ZBTB42: variants seen among roughly 807,000 people sequenced by gnomAD.
ZBTB42 encodes zinc finger and BTB domain-containing protein 42.
In ZBTB42, 3 loss-of-function variants were observed where a neutral mutation model predicts 4.7. The observed-to-expected ratio is 0.64, with a 90% CI of 0.29 to 1.66. The LOEUF is 1.66. ZBTB42 is among the 40% of genes most tolerant of loss of function. The probability of loss-of-function intolerance (pLI) is 0.10; values close to 1 mark genes in which losing one functional copy is unlikely to be tolerated. For synonymous variants in ZBTB42, 255 were observed against 259.5 expected, an observed-to-expected ratio of 0.98 and a Z score of 0.17; for missense variants, 521 against 577.1, an observed-to-expected ratio of 0.90 and a Z score of 1.00.
chr14:104,800,968 C>A (rs1395623081), upstream of ZBTB42: 5 of 440,066 alleles, frequency 1.1e-5, no homozygotes, highest in Non-Finnish European at 1.1e-5. This position sits in a 1 kb window ranked among gnomAD's most constrained non-coding sequence, Gnocchi z 5.3. Context: ...GCTCCGGCTC[C>A]TGCGCCTGAG....
chr14:104,802,037 A>T lies in ZBTB42; in HGVS notation c.840A>T (p.Arg280=). ...GGGAGCTGGAGCTTGGTGCAGGGCG[A>T]CTGGCGAGTGAGGACGAGCTGGGGC... ...GSRELELGAG[R]LASEDELGPG... The change falls in exon 1 of 1, where the codon CGA becomes CGT. Residue 280 remains arginine (R), a synonymous_variant. Coordinates refer to ENST00000342537, the MANE Select transcript of ZBTB42 (RefSeq NM_001137601.3). The surrounding 1 kb of genome is among the most constrained non-coding windows in gnomAD (Gnocchi z 5.9). The T allele has an allele frequency of 6.7e-7, 1 of 1,495,552 alleles. No homozygotes were observed. The highest frequency in any genetic ancestry group is 1.7e-4 in the Middle Eastern group (1 of 5,770). 92.6% of individuals were successfully genotyped at this position (1,495,552 alleles called of 1,614,324 possible).
At position 104,802,178 on chromosome 14, in the gene ZBTB42, C is replaced by T. The variant is rs565696850; in HGVS notation, c.981C>T (p.Leu327=). ...FRERDSTRAR[L]SPDGVAPTCP... ...AGCGAGACAGCACCCGGGCCCGGCT[C>T]TCACCCGACGGCGTGGCACCCACCT... The change falls in exon 1 of 1, where the codon CTC becomes CTT. Residue 327 remains leucine, a synonymous_variant. Coordinates refer to ENST00000342537, the MANE Select transcript of ZBTB42 (RefSeq NM_001137601.3). The surrounding 1 kb of genome is among the most constrained non-coding windows in gnomAD (Gnocchi z 5.9). 7 of 1,549,274 alleles carry T rather than the reference C, an allele frequency of 4.5e-6. No homozygotes were observed. The South Asian group carries it at 4.8e-5, about 11-fold the overall frequency.
At position 104,801,354 on chromosome 14, in the gene ZBTB42, TA is replaced by T; in HGVS notation, c.158del (p.Tyr53SerfsTer140). 1 of 1,548,164 alleles carries T rather than the reference TA, an allele frequency of 6.5e-7. No individual in the cohort carries two copies. The highest frequency in any genetic ancestry group is 8.7e-7 in the Non-Finnish European group (1 of 1,145,962). On this transcript the variant is annotated frameshift_variant, in exon 1 of 1. Coordinates refer to ENST00000342537, the MANE Select transcript of ZBTB42 (RefSeq NM_001137601.3). LOFTEE classifies it low-confidence loss of function (END_TRUNC). The surrounding 1 kb of genome is among the most constrained non-coding windows in gnomAD (Gnocchi z 4.4). ...AACSVYFHLF[Y>X]RDRPAGSRDT... ...GTGCAGCGTCTACTTCCATCTCTTC[TA>T]CAGGGACCGGCCCGCGGGCAGTCGC...
upstream of ZBTB42, chr14:104,801,088 C>G (rs185339306): frequency 8.9e-6 from 12 of 1,351,010 alleles, no homozygotes; most frequent in South Asian, 3.5e-5. The surrounding 1 kb of genome is among the most constrained non-coding windows in gnomAD (Gnocchi z 4.4). Context: ...GCGCGCGTCA[C>G]TCCCGCGCCG....
Position 104,803,520 on chromosome 14 carries a change from C to T in ZBTB42, c.*1054C>T, listed in dbSNP as rs527340310. On this transcript the variant is annotated 3_prime_UTR_variant, in exon 1 of 1. Transcript: ENST00000342537. ...CCCTGTCCGCCAGGGGCAGGGTTTG[C>T]GGGCCTTCCTTTCCCCACGGCGAGG... 3.4e-3 allele frequency: 565 copies of T among 166,948 alleles called. 3 individuals carry two copies. Among genetic ancestry groups the T allele is most frequent in the Non-Finnish European group, 6.3e-4 (43 of 68,180 alleles). 10.3% of individuals were successfully genotyped at this position (166,948 alleles called of 1,614,324 possible). A position where few individuals can be genotyped will look rare whatever the true frequency, so the allele number is the denominator to read the frequency against.
chr14:104,800,994 C>T (rs1274385079), upstream of ZBTB42: 8 of 535,984 alleles, frequency 1.5e-5, no homozygotes, highest in Non-Finnish European at 2.3e-5. The surrounding 1 kb of genome is among the most constrained non-coding windows in gnomAD (Gnocchi z 5.3). Flanking sequence ...GGACCCGCCC[C>T]CGCGGCGGAG....
At position 104,802,585 on chromosome 14, in the gene ZBTB42, C is replaced by T. The variant is rs1894073433; in HGVS notation, c.*119C>T. ...AGGTCCCTGCTTGGGCCAGATGGCT[C>T]CACCCTCCTGGCAGAGAGAATGCTG... On this transcript the variant is annotated 3_prime_UTR_variant, in exon 1 of 1. Coordinates refer to ENST00000342537, the MANE Select transcript of ZBTB42 (RefSeq NM_001137601.3). This position sits in a 1 kb window ranked among gnomAD's most constrained non-coding sequence, Gnocchi z 5.9. 7.2e-7 allele frequency: 1 copy of T among 1,388,084 alleles called. No individual in the cohort carries two copies. The highest frequency in any genetic ancestry group is 1.5e-5 in the African/African-American group (1 of 68,566). The allele number at this position is 1,388,084 out of a possible 1,614,324, so 86.0% of individuals were successfully genotyped here.
chr14:104,801,360 G>T lies in ZBTB42; in HGVS notation c.163G>T (p.Asp55Tyr). The T allele has an allele frequency of 2.6e-6, 4 of 1,547,700 alleles. No individual in the cohort carries two copies. Among genetic ancestry groups the T allele is most frequent in the Non-Finnish European group, 2.6e-6 (3 of 1,145,626 alleles). Residue 55 changes from aspartate to tyrosine, a missense_variant, in exon 1 of 1, where the codon GAC becomes TAC. Physicochemically the swap from Asp to Tyr is radical, Grantham distance 160. Transcript: ENST00000342537. This position sits in a 1 kb window ranked among gnomAD's most constrained non-coding sequence, Gnocchi z 4.4. ...CGTCTACTTCCATCTCTTCTACAGG[G>T]ACCGGCCCGCGGGCAGTCGCGACAC... is the stretch of plus-strand genomic sequence containing the variant. The part of the protein sequence containing the change: ...CSVYFHLFYR[D>Y]RPAGSRDTVR...
chr14:104,801,454 G>A lies in ZBTB42; in HGVS notation c.257G>A (p.Gly86Asp). Residue 86 changes from glycine to aspartate, a missense_variant, in exon 1 of 1, where the codon GGC becomes GAC. Transcript: ENST00000342537. The surrounding 1 kb of genome is among the most constrained non-coding windows in gnomAD (Gnocchi z 4.4). ...FGRLLDFMYEGRLDLRSLPVE... is the reference protein window; with the variant it reads ...FGRLLDFMYEDRLDLRSLPVE... ...CGCCTACTGGACTTCATGTACGAGG[G>A]CCGCCTGGACCTGCGCAGCCTGCCT... 1.3e-6 allele frequency: 2 copies of A among 1,550,040 alleles called. No individual in the cohort carries two copies. The highest frequency in any genetic ancestry group is 1.7e-6 in the Non-Finnish European group (2 of 1,146,828).
chr14:104,802,012 G>A lies in ZBTB42; in HGVS notation c.815G>A (p.Arg272Gln), dbSNP rs1337161096. The A allele has an allele frequency of 5.4e-6, 8 of 1,494,748 alleles. No individual in the cohort carries two copies. In the Admixed American group the frequency reaches 8.6e-5, roughly 16 times the overall value. The allele number at this position is 1,494,748 out of a possible 1,614,324, so 92.6% of individuals were successfully genotyped here. Residue 272 changes from arginine (R) to glutamine (Q), a missense_variant, in exon 1 of 1, where the codon CGG (arginine) becomes CAG (glutamine). Physicochemically the swap from Arg to Gln is conservative, Grantham distance 43 (BLOSUM62 1). Coordinates refer to ENST00000342537, the MANE Select transcript of ZBTB42 (RefSeq NM_001137601.3). The surrounding 1 kb of genome is among the most constrained non-coding windows in gnomAD (Gnocchi z 5.9). ...CTGCCCCTCAGCGGAGAGGGCAGCCGGGAGCTGGAGCTTGGTGCAGGGCGA... is the reference window on the plus strand; with the variant it reads ...CTGCCCCTCAGCGGAGAGGGCAGCCAGGAGCTGGAGCTTGGTGCAGGGCGA... ...QPLPLSGEGS[R>Q]ELELGAGRLA...
chr14:104,802,823 G>T lies in ZBTB42; in HGVS notation c.*357G>T. The T allele has an allele frequency of 3.0e-6, 1 of 327,922 alleles. No individual in the cohort carries two copies. 20.3% of individuals were successfully genotyped at this position (327,922 alleles called of 1,614,324 possible). A position where few individuals can be genotyped will look rare whatever the true frequency, so the allele number is the denominator to read the frequency against. On this transcript the variant is annotated 3_prime_UTR_variant, in exon 1 of 1. Coordinates refer to ENST00000342537, the MANE Select transcript of ZBTB42 (RefSeq NM_001137601.3). This position sits in a 1 kb window ranked among gnomAD's most constrained non-coding sequence, Gnocchi z 5.9. ...TGCCCCCGTTTCTCCGTGTGAGATG[G>T]CACATCCATCTCCCGGCCCGGGACT... is the stretch of plus-strand genomic sequence containing the variant.
Position 104,801,457 on chromosome 14 carries a change from G to T in ZBTB42, c.260G>T (p.Arg87Leu), listed in dbSNP as rs763081051. ...GRLLDFMYEG[R>L]LDLRSLPVED... ...CTACTGGACTTCATGTACGAGGGCC[G>T]CCTGGACCTGCGCAGCCTGCCTGTG... is the stretch of plus-strand genomic sequence containing the variant. The change falls in exon 1 of 1, where the codon CGC (arginine) becomes CTC (leucine). Residue 87 changes from arginine (R) to leucine (L), a missense_variant. Transcript: ENST00000342537. This position sits in a 1 kb window ranked among gnomAD's most constrained non-coding sequence, Gnocchi z 4.4. 5 of 1,550,104 alleles carry T rather than the reference G, an allele frequency of 3.2e-6. No individual in the cohort carries two copies. The South Asian group carries it at 4.8e-5, about 15-fold the overall frequency.
chr14:104,802,455 C>G lies in ZBTB42; in HGVS notation c.1258C>G (p.Leu420Val). 6.5e-7 allele frequency: 1 copy of G among 1,549,994 alleles called. No homozygotes were observed. Among genetic ancestry groups the G allele is most frequent in the Non-Finnish European group, 8.7e-7 (1 of 1,146,596 alleles). Residue 420 changes from leucine (L) to valine (V), a missense_variant, in exon 1 of 1, where the codon CTT becomes GTT. Coordinates refer to ENST00000342537, the MANE Select transcript of ZBTB42 (RefSeq NM_001137601.3). The surrounding 1 kb of genome is among the most constrained non-coding windows in gnomAD (Gnocchi z 5.9). ...GTTTCACTGTGGCCTCGTCAAGTCC[C>G]TTCTGGTGTGATGCATCCCTGTGGG... ...RKFHCGLVKS[L>V]LV is the part of the protein sequence containing the mutation.
chr14:104,801,099 C>T (rs1415547193), upstream of ZBTB42: 1 of 1,364,554 alleles, frequency 7.3e-7, no homozygotes, highest in Admixed American at 3.8e-5. The surrounding 1 kb of genome is among the most constrained non-coding windows in gnomAD (Gnocchi z 4.4). Flanking sequence ...TCCCGCGCCG[C>T]TCTTTCCGCG....
chr14:104,801,473 C>T lies in ZBTB42; in HGVS notation c.276C>T (p.Ser92=). ...FMYEGRLDLR[S]LPVEDVLAAA... Reference sequence around the variant, plus strand: ...ACGAGGGCCGCCTGGACCTGCGCAGCCTGCCTGTGGAGGACGTCCTGGCAG... The same window carrying T: ...ACGAGGGCCGCCTGGACCTGCGCAGTCTGCCTGTGGAGGACGTCCTGGCAG... Residue 92 remains serine (S), a synonymous_variant, in exon 1 of 1, where the codon AGC becomes AGT. Transcript: ENST00000342537. This position sits in a 1 kb window ranked among gnomAD's most constrained non-coding sequence, Gnocchi z 4.4. The T allele has an allele frequency of 6.5e-7, 1 of 1,550,196 alleles. No homozygotes were observed. Among genetic ancestry groups the T allele is most frequent in the Non-Finnish European group, 8.7e-7 (1 of 1,146,900 alleles).
rs1451620471 is a variant in ZBTB42, at chr14:104,801,709, G to T, written c.512G>T (p.Arg171Leu). The change falls in exon 1 of 1, where the codon CGA (arginine) becomes CTA (leucine). Residue 171 changes from arginine (R) to leucine (L), a missense_variant. Coordinates refer to ENST00000342537, the MANE Select transcript of ZBTB42 (RefSeq NM_001137601.3). The surrounding 1 kb of genome is among the most constrained non-coding windows in gnomAD (Gnocchi z 4.4). ...PFGVKAALPPRASGPPPCQVP... is the reference protein window; with the variant it reads ...PFGVKAALPPLASGPPPCQVP... ...GGGGTCAAGGCTGCCCTCCCTCCTC[G>T]AGCATCTGGGCCTCCTCCCTGCCAG... 1 of 1,550,124 alleles carries T rather than the reference G, an allele frequency of 6.5e-7. No individual in the cohort carries two copies. The highest frequency in any genetic ancestry group is 8.7e-7 in the Non-Finnish European group (1 of 1,146,912).
chr14:104,801,450 G>A lies in ZBTB42; in HGVS notation c.253G>A (p.Glu85Lys), dbSNP rs1049196131. Residue 85 changes from glutamate to lysine, a missense_variant, in exon 1 of 1, where the codon GAG (glutamate) becomes AAG (lysine). Coordinates refer to ENST00000342537, the MANE Select transcript of ZBTB42 (RefSeq NM_001137601.3). The surrounding 1 kb of genome is among the most constrained non-coding windows in gnomAD (Gnocchi z 4.4). ...AFGRLLDFMY[E>K]GRLDLRSLPV... is the part of the protein sequence containing the mutation. ...CGGCCGCCTACTGGACTTCATGTAC[G>A]AGGGCCGCCTGGACCTGCGCAGCCT... The A allele has an allele frequency of 2.6e-6, 4 of 1,550,066 alleles. No individual in the cohort carries two copies. Among genetic ancestry groups the A allele is most frequent in the Non-Finnish European group, 3.5e-6 (4 of 1,146,836 alleles).
chr14:104,801,986 G>A lies in ZBTB42; in HGVS notation c.789G>A (p.Pro263=). The change falls in exon 1 of 1, where the codon CCG becomes CCA. Residue 263 remains proline, a synonymous_variant. Transcript: ENST00000342537. The surrounding 1 kb of genome is among the most constrained non-coding windows in gnomAD (Gnocchi z 4.4). The part of the protein sequence containing the change: ...AAKGLVVGLQ[P]LPLSGEGSRE... ...AGGGCCTGGTGGTGGGCTTGCAGCC[G>A]CTGCCCCTCAGCGGAGAGGGCAGCC... 1 of 1,507,466 alleles carries A rather than the reference G, an allele frequency of 6.6e-7. No homozygotes were observed. Among genetic ancestry groups the A allele is most frequent in the Middle Eastern group, 1.7e-4 (1 of 5,810 alleles). The allele number at this position is 1,507,466 out of a possible 1,614,324, so 93.4% of individuals were successfully genotyped here. A position where few individuals can be genotyped will look rare whatever the true frequency, so the allele number is the denominator to read the frequency against.
upstream of ZBTB42, chr14:104,800,867 G>A (rs1274310426): frequency 5.9e-6 from 1 of 168,358 alleles, no homozygotes; most frequent in East Asian, 1.6e-4. This position sits in a 1 kb window ranked among gnomAD's most constrained non-coding sequence, Gnocchi z 5.3. Flanking sequence ...TGGCGGCGCA[G>A]CCACCCGGGC....
Sources: gnomAD v4.1 joint callset for allele counts on GRCh38, gnomAD v4.1.1 for gene constraint, Gnocchi (gnomAD v3.1) non-coding constraint, MANE v1.5 for transcripts, NCBI Gene and HGNC (gene_info 2026-07-23, HGNC 2026-07-21) for gene names.